Variants in KLHL22 observed in about 807,000 individuals in gnomAD.
KLHL22 encodes the protein kelch like family member 22.
A neutral mutation model predicts 60.7 loss-of-function variants in KLHL22; 18 were observed. That is an observed-to-expected ratio of 0.30 (90% CI 0.20 to 0.44). The LOEUF is 0.44. Ranked by LOEUF, KLHL22 falls within the 20% of genes least tolerant of loss-of-function variation. The pLI is 1.00. For synonymous variants in KLHL22, 355 were observed against 354.5 expected, an observed-to-expected ratio of 1.00 and a Z score of -0.01; for missense variants, 596 against 852.3, an observed-to-expected ratio of 0.70 and a Z score of 3.74.
At chr22:20,474,386 T>TTTTTA (rs1332095631) in intron 2 of KLHL22, among the ~76,000 whole-genome samples, 3 of 152,052 alleles carry the variant, frequency 2.0e-5, no homozygotes, top group East Asian at 3.9e-4. Context: ...TGTCTCACTT[T>TTTTTA]TTTTATTTTA....
At chr22:20,470,886 GGACA>G (rs1466820832) in intron 3 of KLHL22, among the ~76,000 whole-genome samples, 6 of 152,046 alleles carry the variant, frequency 3.9e-5, no homozygotes, top group Non-Finnish European at 8.8e-5. Flanking sequence ...ATGGATGGAT[GGACA>G]GACAAATAGA....
At chr22:20,461,330 G>C (rs1049397044) in intron 4 of KLHL22, among the ~76,000 whole-genome samples, 1 of 151,996 alleles carries the variant, frequency 6.6e-6, no homozygotes, top group Non-Finnish European at 1.5e-5. Context: ...AAGGCGGGAG[G>C]ATCATGAGGT....
chr22:20,448,949 A>G (rs936458491), intron 5 of KLHL22, among the ~76,000 whole-genome samples: 2 of 152,212 alleles, frequency 1.3e-5, no homozygotes, highest in African/African-American at 4.8e-5. Context: ...TTTCCCTGAT[A>G]GCTAATAATG....
rs757085456 is a variant in KLHL22, at chr22:20,442,418, C to T, written c.1560G>A (p.Thr520=). 7 of 1,600,140 alleles carry T rather than the reference C, an allele frequency of 4.4e-6. No homozygotes were observed. The highest frequency in any genetic ancestry group is 1.1e-5 in the South Asian group (1 of 89,728). Residue 520 remains threonine, a synonymous_variant, in exon 7 of 7, where the codon ACG becomes ACA. Transcript: ENST00000328879. ...DVHQVACYSC[T]SGQWSSVCPL... is the part of the protein sequence containing the mutation. Reference sequence around the variant, plus strand: ...GGCAGACAGATGACCACTGTCCAGACGTGCAGCTGTAGCAGGCCACCTGCA... The same window carrying T: ...GGCAGACAGATGACCACTGTCCAGATGTGCAGCTGTAGCAGGCCACCTGCA...
chr22:20,453,994 C>A (rs2053022905), intron 5 of KLHL22, among the ~76,000 whole-genome samples: 1 of 152,150 alleles, frequency 6.6e-6, no homozygotes, highest in African/African-American at 2.4e-5. Context: ...CTCGGCCTCC[C>A]AAAGTGCTGG....
At chr22:20,476,712 CT>C (rs760025817) in intron 2 of KLHL22, among the ~76,000 whole-genome samples, 524 of 119,916 alleles carry the variant, frequency 4.4e-3, no homozygotes, top group East Asian at 0.03. Context: ...CACGCCCGGC[CT>C]TTTTTTTTTT....
At chr22:20,481,215 C>T (rs1461582783) in intron 2 of KLHL22, 1 of 152,182 alleles carries the variant, frequency 6.6e-6, no homozygotes, top group Non-Finnish European at 1.5e-5. Context: ...AGTAACAGAT[C>T]AAACTCATTC....
rs571353836 is a variant in KLHL22 at position 20,477,068 on chromosome 22, C to T, written c.228-5553G>A. On this transcript the variant is annotated intron_variant, in intron 2 of 6. Transcript: ENST00000328879. ...CTTATAATCCTTTCGGGGGCCAAGG[C>T]AGGAAGACTGCTTGAGGCCAGGACT... Among the ~76,000 whole-genome samples the T allele has an allele frequency of 1.4e-4, 21 of 151,946 alleles. No homozygotes were observed. The South Asian group carries it at 4.2e-3, about 30-fold the overall frequency.
chr22:20,457,838 G>A lies in KLHL22; in HGVS notation c.1275C>T (p.Ser425=). The A allele has an allele frequency of 2.5e-6, 4 of 1,607,856 alleles. No individual in the cohort carries two copies. The highest frequency in any genetic ancestry group is 1.3e-5 in the African/African-American group (1 of 74,978). The change falls in exon 5 of 7, where the codon TCC becomes TCT. Residue 425 remains serine (S), a synonymous_variant. Coordinates refer to ENST00000328879, the MANE Select transcript of KLHL22 (RefSeq NM_032775.4). ...AVERYDPATN[S]WAYVAPLKRE... ...TCTTGAGTGGGGCCACGTATGCCCA[G>A]GAGTTGGTGGCAGGGTCGTAGCGCT...
intron 2 of KLHL22, among the ~76,000 whole-genome samples, chr22:20,478,989 T>C (rs2053457036): frequency 1.3e-5 from 2 of 151,432 alleles, no homozygotes; most frequent in South Asian, 4.2e-4. Flanking sequence ...ATTAGCTGGG[T>C]GTGGTGGCAG....
At chr22:20,460,152 TC>T (rs1388545918) in intron 4 of KLHL22, among the ~76,000 whole-genome samples, 11 of 152,120 alleles carry the variant, frequency 7.2e-5, no homozygotes, top group Non-Finnish European at 8.8e-5. Context: ...TATACAAGTC[TC>T]TCCTCTCTTG....
At chr22:20,471,590 T>G (rs1285188116) in intron 2 of KLHL22, 75 bp from the exon 3 acceptor site, 1 of 1,517,738 alleles carries the variant, frequency 6.6e-7, no homozygotes, top group Non-Finnish European at 9.0e-7. Context: ...AGTGACAGCA[T>G]TCAGAGAAGA....
chr22:20,485,894 T>C (rs917854670), intron 2 of KLHL22, among the ~76,000 whole-genome samples: 2 of 148,552 alleles, frequency 1.3e-5, no homozygotes, highest in African/African-American at 5.0e-5. Flanking sequence ...AGGCTGGGCG[T>C]GGTGTGGCTC....
chr22:20,489,023 G>A lies in KLHL22; in HGVS notation c.189C>T (p.Ala63=). The A allele has an allele frequency of 6.2e-7, 1 of 1,613,958 alleles. No individual in the cohort carries two copies. The highest frequency in any genetic ancestry group is 8.5e-7 in the Non-Finnish European group (1 of 1,180,032). The change falls in exon 2 of 7, where the codon GCC becomes GCT. Residue 63 remains alanine (A), a synonymous_variant. Coordinates refer to ENST00000328879, the MANE Select transcript of KLHL22 (RefSeq NM_032775.4). ...VLVVEGRHIE[A]HRILLAASCD... is the part of the protein sequence containing the mutation. ...AGGACGCAGCCAGCAGGATGCGATG[G>A]GCCTCGATGTGTCTGCCCTCCACCA...
At chr22:20,471,847 C>G (rs1380792856) in intron 2 of KLHL22, among the ~76,000 whole-genome samples, 1 of 152,134 alleles carries the variant, frequency 6.6e-6, no homozygotes, top group African/African-American at 2.4e-5. Flanking sequence ...AGTAGCAACT[C>G]CAGAGCACAT....
intron 2 of KLHL22, among the ~76,000 whole-genome samples, chr22:20,476,181 C>A (rs1231776056): frequency 6.6e-6 from 1 of 152,130 alleles, no homozygotes; most frequent in Non-Finnish European, 1.5e-5. Context: ...TACATTTATT[C>A]CCAGACATTT....
At chr22:20,462,201 C>T (rs902039647) in intron 4 of KLHL22, among the ~76,000 whole-genome samples, 1 of 145,388 alleles carries the variant, frequency 6.9e-6, no homozygotes, top group Non-Finnish European at 1.5e-5. Context: ...GGCTTGAACC[C>T]GGGAGGCAGA....
intron 2 of KLHL22, among the ~76,000 whole-genome samples, chr22:20,484,624 G>C (rs1051163062): frequency 6.6e-6 from 1 of 151,752 alleles, no homozygotes; most frequent in Non-Finnish European, 1.5e-5. Context: ...TAAACATGGG[G>C]TTTCGTCACG....
At chr22:20,483,274 C>A in intron 2 of KLHL22, 1 of 700,712 alleles carries the variant, frequency 1.4e-6, no homozygotes, top group Non-Finnish European at 2.6e-6. Flanking sequence ...CACTGTGGTG[C>A]TCTCCTCAAT....
Sources: allele counts gnomAD v4.1 joint callset (sites outside exome capture counted in the v4.1 genomes callset), GRCh38; gene constraint gnomAD v4.1.1; transcripts MANE v1.5; gene names NCBI Gene and HGNC (gene_info 2026-07-23, HGNC 2026-07-21).